The following CNTN1 variants were observed in gnomAD, a reference collection of about 807,000 sequenced individuals.
CNTN1 encodes the protein contactin-1.
Under a neutral mutation model 126.4 loss-of-function variants are expected in CNTN1, and 38 were observed. The observed-to-expected ratio is 0.30, with a 90% confidence interval of 0.23 to 0.39. CNTN1 has a LOEUF of 0.39. Among genes scored for constraint, CNTN1 ranks in the 10% least tolerant of loss-of-function variants. The pLI is 1.00. For synonymous variants in CNTN1, 413 were observed against 422.6 expected (o/e 0.98, Z 0.28); for missense variants, 1,009 against 1,248.4 (o/e 0.81, Z 2.89).
At chr12:40,728,324 A>C (rs575384940) in intron 1 of CNTN1, among the ~76,000 whole-genome samples, 225 of 152,244 alleles carry the variant, frequency 1.5e-3, no homozygotes, top group Non-Finnish European at 2.7e-3. Context: ...ATAGTATCCT[A>C]AGCGTGTGGT....
chr12:40,843,951 G>C (rs533088692), intron 1 of CNTN1, among the ~76,000 whole-genome samples: 7 of 151,950 alleles, frequency 4.6e-5, no homozygotes, highest in African/African-American at 1.7e-4. Context: ...CAAGAACATG[G>C]CTAAATATTT....
chr12:40,771,412 TG>T (rs377150488), intron 1 of CNTN1, among the ~76,000 whole-genome samples: 53 of 152,196 alleles, frequency 3.5e-4, no homozygotes, highest in African/African-American at 1.2e-3. Flanking sequence ...ATAAAGTCAA[TG>T]TCTAGTGTTA....
chr12:40,951,714 TTAAAAAAAAAA>T lies in CNTN1; in HGVS notation c.1684-7399_1684-7389del, dbSNP rs1395141860. ...AAAGAGTGAGACTTTGTCTCAAAAT[TTAAAAAAAAAA>T]AAAAAAAAAAAAAAAAAGAAGAAAA... On this transcript the variant is annotated intron_variant, in intron 14 of 23. Coordinates refer to ENST00000551295, the MANE Select transcript of CNTN1 (RefSeq NM_001843.4). 5.4e-4 allele frequency among the ~76,000 whole-genome samples: 43 copies of T among 79,626 alleles called. 1 individual carries two copies. The highest frequency in any genetic ancestry group is 2.1e-3 in the African/African-American group (35 of 17,040). 52.2% of individuals were successfully genotyped at this position (79,626 alleles called of 152,430 possible).
At chr12:40,765,806 A>G (rs912912159) in intron 1 of CNTN1, among the ~76,000 whole-genome samples, 1 of 151,894 alleles carries the variant, frequency 6.6e-6, no homozygotes, top group Non-Finnish European at 1.5e-5. Context: ...ACATTTATCA[A>G]TCTCCTGCTG....
intron 15 of CNTN1, among the ~76,000 whole-genome samples, chr12:40,973,807 A>G (rs1321366569): frequency 6.6e-6 from 1 of 152,140 alleles, no homozygotes; most frequent in East Asian, 1.9e-4. Context: ...AGTGGCACCA[A>G]CTCAAATGAT....
intron 1 of CNTN1, among the ~76,000 whole-genome samples, chr12:40,788,775 C>A (rs115998455): frequency 6.6e-6 from 1 of 152,028 alleles, no homozygotes; most frequent in Admixed American, 6.6e-5. Context: ...AAAGTTCTTT[C>A]TAGGTTTAAG....
rs559188726 is a variant in CNTN1, at chr12:40,969,612, A to G, written c.1804+10378A>G. ...AATCCAAAAAAACCTTTTTCCCCTA[A>G]AAAGCACAACACTATTTTAATTGTT... On this transcript the variant is annotated intron_variant, in intron 15 of 23. Coordinates refer to ENST00000551295, the MANE Select transcript of CNTN1 (RefSeq NM_001843.4). Among the ~76,000 whole-genome samples, 12 of 152,258 alleles carry G rather than the reference A, an allele frequency of 7.9e-5. No individual in the cohort carries two copies. The East Asian group carries it at 2.3e-3, about 29-fold the overall frequency.
intron 1 of CNTN1, among the ~76,000 whole-genome samples, chr12:40,886,995 G>C (rs1266224234): frequency 6.6e-6 from 1 of 152,172 alleles, no homozygotes; most frequent in East Asian, 1.9e-4. Flanking sequence ...TTGAAGTCAG[G>C]TAGCGTGATG....
At chr12:40,705,157 T>C (rs951317813) in intron 1 of CNTN1, among the ~76,000 whole-genome samples, 1 of 152,198 alleles carries the variant, frequency 6.6e-6, no homozygotes, top group Non-Finnish European at 1.5e-5. Flanking sequence ...CTGGTCCTTT[T>C]TGAGCATCCA....
At chr12:40,759,788 T>C (rs1158541191) in intron 1 of CNTN1, among the ~76,000 whole-genome samples, 1 of 151,448 alleles carries the variant, frequency 6.6e-6, no homozygotes, top group Admixed American at 6.6e-5. Context: ...TTTTTTTTTT[T>C]TTTTTCAAAA....
chr12:41,062,537 A>T (rs1949957233), intron 23 of CNTN1, among the ~76,000 whole-genome samples: 1 of 152,224 alleles, frequency 6.6e-6, no homozygotes, highest in African/African-American at 2.4e-5. Flanking sequence ...ATGTGCAAGG[A>T]GAAAGAGACA....
chr12:40,784,839 A>C (rs560139936), intron 1 of CNTN1, among the ~76,000 whole-genome samples: 5 of 152,156 alleles, frequency 3.3e-5, no homozygotes, highest in Non-Finnish European at 7.4e-5. Context: ...CTTAGAATTC[A>C]GAAATATAAG....
chr12:40,698,531 C>T (rs79883352), intron 1 of CNTN1, among the ~76,000 whole-genome samples: 9,250 of 152,042 alleles, frequency 0.061, 375 homozygotes, highest in East Asian at 0.19. Flanking sequence ...CCACCATGAC[C>T]GGCCATGAGA....
At chr12:40,821,182 A>C (rs1339646270) in intron 1 of CNTN1, among the ~76,000 whole-genome samples, 1 of 152,222 alleles carries the variant, frequency 6.6e-6, no homozygotes, top group Non-Finnish European at 1.5e-5. Flanking sequence ...TATTTTTCAA[A>C]TATTTAAATG....
chr12:40,905,202 A>ATGT (rs1944764723), intron 1 of CNTN1, among the ~76,000 whole-genome samples: 1 of 152,190 alleles, frequency 6.6e-6, no homozygotes, highest in African/African-American at 2.4e-5. Flanking sequence ...AGCCCTAGAA[A>ATGT]AGTTGTCTGT....
chr12:40,836,261 A>T (rs1236708325), intron 1 of CNTN1, among the ~76,000 whole-genome samples: 1 of 148,188 alleles, frequency 6.7e-6, no homozygotes, highest in African/African-American at 2.5e-5. Context: ...ATATTATAAT[A>T]CATATAATAT....
At chr12:41,011,051 G>C (rs538451848) in intron 17 of CNTN1, among the ~76,000 whole-genome samples, 3 of 152,300 alleles carry the variant, frequency 2.0e-5, no homozygotes, top group African/African-American at 7.2e-5. Flanking sequence ...CTTAAGAGCA[G>C]CAAAACATCT....
rs575192948 is a variant in CNTN1, at chr12:41,043,110, A to C, written c.2980+13891A>C. On this transcript the variant is annotated intron_variant, in intron 23 of 23. Transcript: ENST00000551295. ...CATGGGCAAGGACTTCATGTCTAAAACACCAAAAGCAATGGCAACAAAAGC... is the reference window on the plus strand; with the variant it reads ...CATGGGCAAGGACTTCATGTCTAAACCACCAAAAGCAATGGCAACAAAAGC... Among the ~76,000 whole-genome samples, 3 of 152,324 alleles carry C rather than the reference A, an allele frequency of 2.0e-5. No individual in the cohort carries two copies. The South Asian group carries it at 6.2e-4, about 32-fold the overall frequency.
At chr12:40,734,797 ATT>A (rs1163762948) in intron 1 of CNTN1, among the ~76,000 whole-genome samples, 1 of 152,104 alleles carries the variant, frequency 6.6e-6, no homozygotes, top group African/African-American at 2.4e-5. Context: ...GAAATTGCCC[ATT>A]GTATTTACAA....
Sources: gnomAD v4.1 joint callset for allele counts (sites outside exome capture counted in the v4.1 genomes callset) on GRCh38, gnomAD v4.1.1 for gene constraint, MANE v1.5 for transcripts, NCBI Gene and HGNC (gene_info 2026-07-23, HGNC 2026-07-21) for gene names.